Variants in PKHD1 observed in about 807,000 individuals in gnomAD.
PKHD1 encodes fibrocystin.
PKHD1 carries 291 observed loss-of-function variants against 412.0 expected under a neutral mutation model. The observed-to-expected ratio is 0.71, with a 90% CI of 0.64 to 0.78. The LOEUF (loss-of-function observed/expected upper bound fraction) is 0.78, where lower values mean the gene tolerates loss of function less well. Ranked by LOEUF, PKHD1 falls within the 30% of genes least tolerant of loss-of-function variation. The pLI, the probability that PKHD1 is intolerant of heterozygous loss-of-function variation, is 0.00. For synonymous variants in PKHD1, 1,777 were observed against 1,821.5 expected (o/e 0.98, Z 0.62); for missense variants, 4,825 against 4,950.7 (o/e 0.97, Z 0.76).
chr6:51,852,691 G>T, intron 49 of PKHD1, among the ~76,000 whole-genome samples: 1 of 149,192 alleles, frequency 6.7e-6, no homozygotes. Context: ...ATCATTGTTG[G>T]TTTAAAGTTT....
intron 37 of PKHD1, among the ~76,000 whole-genome samples, chr6:51,925,210 A>G (rs1223077904): frequency 1.3e-5 from 2 of 152,218 alleles, no homozygotes; most frequent in Admixed American, 1.3e-4. Context: ...ACCTAGCAGG[A>G]AAATGGAAAC....
At chr6:51,938,408 C>G (rs996427273) in intron 36 of PKHD1, among the ~76,000 whole-genome samples, 6 of 151,620 alleles carry the variant, frequency 4.0e-5, no homozygotes, top group African/African-American at 1.2e-4. Flanking sequence ...AATGGCTGGT[C>G]CTTGCCTAAC....
At chr6:51,623,270 A>G (rs1203165778) in intron 66 of PKHD1, among the ~76,000 whole-genome samples, 2 of 152,150 alleles carry the variant, frequency 1.3e-5, no homozygotes, top group Non-Finnish European at 2.9e-5. Flanking sequence ...TTCCCTATGT[A>G]TTCAAGTCTT....
intron 49 of PKHD1, among the ~76,000 whole-genome samples, chr6:51,852,550 G>A (rs756124969): frequency 6.6e-6 from 1 of 152,122 alleles, no homozygotes; most frequent in Non-Finnish European, 1.5e-5. Context: ...CTCTTTGTAG[G>A]TCTCTAAGAA....
chr6:51,888,214 C>T (rs1041783167), intron 43 of PKHD1, among the ~76,000 whole-genome samples: 1 of 152,188 alleles, frequency 6.6e-6, no homozygotes, highest in African/African-American at 2.4e-5. Flanking sequence ...ATTAAGTCGC[C>T]TTGATATTTC....
At chr6:51,894,081 A>C (rs1779515842) in intron 43 of PKHD1, among the ~76,000 whole-genome samples, 1 of 152,334 alleles carries the variant, frequency 6.6e-6, no homozygotes, top group African/African-American at 2.4e-5. Context: ...AGATTCACAC[A>C]GGTTATGTCT....
intron 60 of PKHD1, among the ~76,000 whole-genome samples, chr6:51,684,694 T>G (rs1777185290): frequency 6.6e-6 from 1 of 152,136 alleles, no homozygotes; most frequent in South Asian, 2.1e-4. Context: ...TTTTAGAGAC[T>G]GCTAGGGATT....
intron 53 of PKHD1, among the ~76,000 whole-genome samples, chr6:51,786,344 C>G (rs985049706): frequency 6.6e-6 from 1 of 152,170 alleles, no homozygotes; most frequent in Non-Finnish European, 1.5e-5. Flanking sequence ...CACTCCCTGA[C>G]GATTTCTTTC....
chr6:51,744,645 T>G, intron 59 of PKHD1, 103 bp from the exon 60 acceptor site: 1 of 879,068 alleles, frequency 1.1e-6, no homozygotes, highest in Non-Finnish European at 1.9e-6. Flanking sequence ...TTCAACAGAT[T>G]TTTATTATTG....
intron 60 of PKHD1, among the ~76,000 whole-genome samples, chr6:51,666,892 C>G (rs1773902250): frequency 6.6e-6 from 1 of 151,984 alleles, no homozygotes; most frequent in Non-Finnish European, 1.5e-5. Context: ...TTTTATGGCT[C>G]CATAGTATTC....
chr6:51,893,874 A>C (rs1331010267), intron 43 of PKHD1, among the ~76,000 whole-genome samples: 1 of 152,208 alleles, frequency 6.6e-6, no homozygotes, highest in African/African-American at 2.4e-5. Context: ...TTCACAAACC[A>C]GAACAAATTC....
chr6:51,985,004 G>A (rs960598289), intron 35 of PKHD1, among the ~76,000 whole-genome samples: 3 of 149,942 alleles, frequency 2.0e-5, no homozygotes, highest in Non-Finnish European at 3.0e-5. Context: ...GTCATTACTA[G>A]ATATTTTTCC....
intron 53 of PKHD1, among the ~76,000 whole-genome samples, chr6:51,781,500 G>A (rs1792003552): frequency 6.6e-6 from 1 of 152,004 alleles, no homozygotes; most frequent in Admixed American, 6.6e-5. Flanking sequence ...CTTGCAAAAT[G>A]TACAAAAATT....
Position 52,048,572 on chromosome 6 carries a change from A to G in PKHD1, c.2327T>C (p.Val776Ala). The change falls in exon 23 of 67, where the codon GTG (valine) becomes GCG (alanine). Residue 776 changes from valine to alanine, a missense_variant. Val to Ala is a moderately conservative substitution (Grantham distance 64). Coordinates refer to ENST00000371117, the MANE Select transcript of PKHD1 (RefSeq NM_138694.4). Reference protein sequence around the residue: ...GTEEGSGLVLVTTQRRQRTSP... With the variant: ...GTEEGSGLVLATTQRRQRTSP... ...TGTCCGCTGTCGTCTCTGTGTCGTC[A>G]CCAGGACCAGTCCAGATCCCTCTTC... 1 of 1,614,090 alleles carries G rather than the reference A, an allele frequency of 6.2e-7. No individual in the cohort carries two copies. The highest frequency in any genetic ancestry group is 8.5e-7 in the Non-Finnish European group (1 of 1,179,958).
chr6:51,663,537 A>G (rs188264730), intron 60 of PKHD1, among the ~76,000 whole-genome samples: 4 of 152,254 alleles, frequency 2.6e-5, no homozygotes, highest in Admixed American at 2.6e-4. Context: ...GTCAGGGACA[A>G]TATTTCATCT....
At chr6:51,872,230 T>C (rs1223610688) in intron 46 of PKHD1, among the ~76,000 whole-genome samples, 2 of 152,088 alleles carry the variant, frequency 1.3e-5, no homozygotes, top group Non-Finnish European at 1.5e-5. Context: ...AAGGAAAGGA[T>C]ATAATTTTCC....
chr6:51,625,126 T>C (rs1277644070), intron 66 of PKHD1, among the ~76,000 whole-genome samples: 1 of 152,176 alleles, frequency 6.6e-6, no homozygotes, highest in Non-Finnish European at 1.5e-5. Context: ...AGCTGTAATG[T>C]GGTAAATTTA....
intron 35 of PKHD1, among the ~76,000 whole-genome samples, chr6:51,966,047 T>A (rs1317819101): frequency 6.6e-6 from 1 of 152,212 alleles, no homozygotes; most frequent in Non-Finnish European, 1.5e-5. Flanking sequence ...CACAATGCTA[T>A]ACATTTTACT....
At chr6:52,017,065 G>A (rs993315806) in intron 34 of PKHD1, among the ~76,000 whole-genome samples, 6 of 152,066 alleles carry the variant, frequency 3.9e-5, no homozygotes, top group East Asian at 1.9e-4. Flanking sequence ...AAAGGAAAGC[G>A]GGGAAAAAGC....
Sources: allele counts gnomAD v4.1 joint callset (sites outside exome capture counted in the v4.1 genomes callset), GRCh38; gene constraint gnomAD v4.1.1; transcripts MANE v1.5; gene names NCBI Gene and HGNC (gene_info 2026-07-23, HGNC 2026-07-21).